DACH1: variants seen among roughly 807,000 people sequenced by gnomAD.
DACH1 encodes dachshund homolog 1.
In DACH1, 12 loss-of-function variants were observed where a neutral mutation model predicts 54.2. The observed-to-expected ratio is 0.22, with a 90% CI of 0.14 to 0.36. The LOEUF is 0.36. Among genes scored for constraint, DACH1 ranks in the 10% least tolerant of loss-of-function variants. The probability of loss-of-function intolerance (pLI) is 1.00; values close to 1 mark genes in which losing one functional copy is unlikely to be tolerated. For synonymous variants in DACH1, 386 were observed against 366.2 expected (o/e 1.05, Z -0.62); for missense variants, 805 against 929.8 (o/e 0.87, Z 1.75).
chr13:71,584,908 C>T (rs1358116403), intron 3 of DACH1, among the ~76,000 whole-genome samples: 5 of 151,802 alleles, frequency 3.3e-5, no homozygotes, highest in Non-Finnish European at 1.5e-5. Flanking sequence ...GAGCAGAAAA[C>T]ATAATTTAAA....
chr13:71,804,191 C>T (rs1169466156), intron 1 of DACH1, among the ~76,000 whole-genome samples: 3 of 151,932 alleles, frequency 2.0e-5, no homozygotes, highest in African/African-American at 7.3e-5. Flanking sequence ...TGGTGGCATG[C>T]ACTTGTAGGT....
intron 6 of DACH1, among the ~76,000 whole-genome samples, chr13:71,531,628 C>T (rs572974537): frequency 1.4e-4 from 22 of 151,916 alleles, no homozygotes; most frequent in African/African-American, 4.6e-4. Flanking sequence ...AATATTAAAA[C>T]ATGCAAGCAA....
intron 1 of DACH1, among the ~76,000 whole-genome samples, chr13:71,854,799 A>AT (rs1229229831): frequency 2.3e-4 from 35 of 152,056 alleles, no homozygotes; most frequent in Admixed American, 2.3e-3. Flanking sequence ...TTTAAATGAA[A>AT]TTAGGTATAT....
chr13:71,665,222 G>GA (rs1269002624), intron 2 of DACH1, among the ~76,000 whole-genome samples: 4 of 149,832 alleles, frequency 2.7e-5, no homozygotes, highest in African/African-American at 4.9e-5. Flanking sequence ...CAATGTAAAA[G>GA]AAAAAAAAAG....
chr13:71,692,506 C>CTTTTTTTTTTTTTTTT (rs398023338), intron 1 of DACH1, among the ~76,000 whole-genome samples: 3 of 44,424 alleles, frequency 6.8e-5, no homozygotes, highest in African/African-American at 1.2e-4. Context: ...CTTTTCTTTC[C>CTTTTTTTTTTTTTTTT]TTTTTTTTTT....
chr13:71,861,595 T>C (rs1186765558), intron 1 of DACH1, among the ~76,000 whole-genome samples: 1 of 151,972 alleles, frequency 6.6e-6, no homozygotes. Flanking sequence ...AAGCAAACTT[T>C]CATATTTAAG....
Position 71,557,028 on chromosome 13 carries a change from T to C in DACH1, c.1566A>G (p.Glu522=). The C allele has an allele frequency of 1.9e-6, 3 of 1,598,414 alleles. No homozygotes were observed. Among genetic ancestry groups the C allele is most frequent in the Non-Finnish European group, 2.6e-6 (3 of 1,174,522 alleles). The part of the protein sequence containing the change: ...MGHESKRMHI[E]KDETPLSTPT... ...GAATATATAATCATACATTACCTTT[T>C]TCAATATGCATCCTTTTTGACTCAT... The change falls in exon 6 of 11, where the codon GAA becomes GAG. Residue 522 remains glutamate (E), a synonymous_variant. Coordinates refer to ENST00000613252, the MANE Select transcript of DACH1 (RefSeq NM_080759.6).
At chr13:71,456,263 A>G (rs1190864575) in intron 10 of DACH1, among the ~76,000 whole-genome samples, 2 of 152,150 alleles carry the variant, frequency 1.3e-5, no homozygotes, top group East Asian at 3.8e-4. Flanking sequence ...AAATGTGCAT[A>G]TATTTAGAAA....
At chr13:71,738,731 C>CAAAAAAAAAAAAAAAAA (rs34856567) in intron 1 of DACH1, among the ~76,000 whole-genome samples, 1 of 24,068 alleles carries the variant, frequency 4.2e-5, no homozygotes, top group African/African-American at 8.6e-5. Context: ...GACTCTGTCT[C>CAAAAAAAAAAAAAAAAA]AAAAAAAAAA....
At chr13:71,449,939 G>T in intron 10 of DACH1, among the ~76,000 whole-genome samples, 1 of 131,966 alleles carries the variant, frequency 7.6e-6, no homozygotes, top group Non-Finnish European at 1.6e-5. Context: ...GGGAGGGGGA[G>T]GGATAGCATT....
intron 3 of DACH1, among the ~76,000 whole-genome samples, chr13:71,586,402 CT>C (rs1315468885): frequency 6.6e-6 from 1 of 152,062 alleles, no homozygotes; most frequent in East Asian, 1.9e-4. Flanking sequence ...GGGGAATATG[CT>C]TTAATATTGC....
intron 1 of DACH1, among the ~76,000 whole-genome samples, chr13:71,748,846 CTTTCTT>C (rs1884727364): frequency 3.6e-5 from 1 of 27,946 alleles, no homozygotes; most frequent in South Asian, 6.2e-4. Context: ...TATTTTTTCT[CTTTCTT>C]TCTTTCTTTC....
At chr13:71,700,218 GA>G (rs1278318062) in intron 1 of DACH1, among the ~76,000 whole-genome samples, 1 of 152,006 alleles carries the variant, frequency 6.6e-6, no homozygotes, top group Non-Finnish European at 1.5e-5. Flanking sequence ...AAAAGGCAAA[GA>G]AAAAAATTGA....
chr13:71,651,713 T>TATATGA (rs1878697551), intron 2 of DACH1, among the ~76,000 whole-genome samples: 1 of 151,000 alleles, frequency 6.6e-6, no homozygotes, highest in Non-Finnish European at 1.5e-5. Context: ...TATGTATATG[T>TATATGA]ATATGTATAT....
chr13:71,500,706 C>G (rs961229672), intron 6 of DACH1, among the ~76,000 whole-genome samples: 1 of 152,032 alleles, frequency 6.6e-6, no homozygotes, highest in African/African-American at 2.4e-5. Flanking sequence ...AGACGAAATA[C>G]ATGGAAAGCA....
intron 1 of DACH1, among the ~76,000 whole-genome samples, chr13:71,823,733 A>G (rs1888280433): frequency 6.6e-6 from 1 of 152,040 alleles, no homozygotes; most frequent in South Asian, 2.1e-4. Flanking sequence ...ACAAACCAAA[A>G]TTATTTCAAT....
chr13:71,669,489 T>C (rs962096435), intron 2 of DACH1, among the ~76,000 whole-genome samples: 2 of 152,194 alleles, frequency 1.3e-5, no homozygotes, highest in Non-Finnish European at 2.9e-5. Flanking sequence ...TATTTCATTA[T>C]ATATTACAAT....
chr13:71,576,940 A>C lies in DACH1; in HGVS notation c.1127-3928T>G, dbSNP rs1275779334. Among the ~76,000 whole-genome samples the C allele has an allele frequency of 2.6e-5, 4 of 152,076 alleles. No individual in the cohort carries two copies. In the East Asian group the frequency reaches 5.8e-4, roughly 22 times the overall value. On this transcript the variant is annotated intron_variant, in intron 3 of 10. Transcript: ENST00000613252. Reference sequence around the variant, plus strand: ...CCTGCTTAAATTTCCCCTGCACCACAACTTCTGTGGCTACTCCTTTAGGCC... The same window carrying C: ...CCTGCTTAAATTTCCCCTGCACCACCACTTCTGTGGCTACTCCTTTAGGCC...
intron 3 of DACH1, among the ~76,000 whole-genome samples, chr13:71,612,413 A>G (rs1593984651): frequency 6.6e-6 from 1 of 152,176 alleles, no homozygotes; most frequent in East Asian, 1.9e-4. Flanking sequence ...CAAGGTCAAC[A>G]AGATGGATGC....
Sources: gnomAD v4.1 joint callset for allele counts (sites outside exome capture counted in the v4.1 genomes callset) on GRCh38, gnomAD v4.1.1 for gene constraint, MANE v1.5 for transcripts, NCBI Gene and HGNC (gene_info 2026-07-23, HGNC 2026-07-21) for gene names.